Variants in ATP2C2 observed in about 807,000 individuals in gnomAD.
ATP2C2 encodes calcium-transporting ATPase type 2C member 2.
In ATP2C2, 171 loss-of-function variants were observed where a neutral mutation model predicts 110.8. That is an observed-to-expected ratio of 1.54 (90% CI 1.36 to 1.75). The LOEUF (loss-of-function observed/expected upper bound fraction) is 1.75, where lower values mean the gene tolerates loss of function less well. Ranked by LOEUF, ATP2C2 falls within the 40% of genes most tolerant of loss-of-function variation. The pLI is 0.00. For missense variants in ATP2C2, 1,963 were observed against 1,235.0 expected, an observed-to-expected ratio of 1.59 and a Z score of -8.84; for synonymous variants, 804 against 508.4, an observed-to-expected ratio of 1.58 and a Z score of -7.82.
chr16:84,409,498 T>C (rs964255462), intron 4 of ATP2C2, among the ~76,000 whole-genome samples: 2 of 152,066 alleles, frequency 1.3e-5, no homozygotes, highest in Admixed American at 6.6e-5. Flanking sequence ...GTATCTGGCT[T>C]CTCCTGAGCA....
chr16:84,405,841 A>G (rs1250563148), intron 3 of ATP2C2, among the ~76,000 whole-genome samples: 2 of 152,080 alleles, frequency 1.3e-5, no homozygotes, highest in Non-Finnish European at 2.9e-5. Flanking sequence ...GATTGTTGGA[A>G]CCCAGGAGGT....
intron 14 of ATP2C2, 71 bp downstream of exon 14, chr16:84,441,029 G>C (rs980605926): frequency 1.6e-6 from 2 of 1,286,568 alleles, no homozygotes; most frequent in Non-Finnish European, 2.2e-6. Context: ...CTCTGAAAAG[G>C]GAAACAGCCA....
At chr16:84,418,653 G>C (rs1018193829) in intron 7 of ATP2C2, among the ~76,000 whole-genome samples, 1 of 152,228 alleles carries the variant, frequency 6.6e-6, no homozygotes, top group Non-Finnish European at 1.5e-5. Flanking sequence ...TCACACGGCA[G>C]TGGGCGGTGG....
chr16:84,450,801 G>C (rs1910188741), intron 17 of ATP2C2, among the ~76,000 whole-genome samples: 1 of 152,040 alleles, frequency 6.6e-6, no homozygotes, highest in African/African-American at 2.4e-5. Flanking sequence ...CCCTCAGCTG[G>C]GTTGCTCCCC....
chr16:84,423,259 A>T lies in ATP2C2; in HGVS notation c.915A>T (p.Ile305=). The change falls in exon 10 of 27, where the codon ATA becomes ATT. Residue 305 remains isoleucine (I), a synonymous_variant. Coordinates refer to ENST00000262429, the MANE Select transcript of ATP2C2 (RefSeq NM_014861.4). The stretch of plus-strand genomic sequence containing the variant: ...AACTGACACTCTTCTCCTTTGGCAT[A>T]ATCGGTGAGTGAAGCAGTTTCCATA... ...GKQLTLFSFG[I]IGLIMLIGWS... The T allele has an allele frequency of 6.2e-7, 1 of 1,613,776 alleles. No individual in the cohort carries two copies. The highest frequency in any genetic ancestry group is 8.5e-7 in the Non-Finnish European group (1 of 1,179,636).
intron 11 of ATP2C2, among the ~76,000 whole-genome samples, chr16:84,428,459 T>C (rs553550053): frequency 6.6e-6 from 1 of 152,308 alleles, no homozygotes; most frequent in African/African-American, 2.4e-5. Context: ...TTAATGGGAA[T>C]TGGAAATACT....
chr16:84,369,805 T>C (rs1909846559), intron 1 of ATP2C2, among the ~76,000 whole-genome samples: 2 of 152,258 alleles, frequency 1.3e-5, no homozygotes, highest in Non-Finnish European at 2.9e-5. Context: ...GTTTTATACA[T>C]CCCTGTTGAT....
At chr16:84,394,399 C>T (rs932585433) in intron 1 of ATP2C2, among the ~76,000 whole-genome samples, 10 of 152,064 alleles carry the variant, frequency 6.6e-5, no homozygotes, top group Non-Finnish European at 1.5e-4. Flanking sequence ...TCTGCTCCTA[C>T]GAATTTGCCT....
intron 26 of ATP2C2, 53 bp downstream of exon 26, chr16:84,462,182 CGGCAGCTGCCAGGTG>C: frequency 1.3e-6 from 2 of 1,575,730 alleles, no homozygotes; most frequent in Non-Finnish European, 1.7e-6. Flanking sequence ...CCATGGGGGG[CGGCAGCTGCCAGGTG>C]GGGAGCTGCA....
intron 1 of ATP2C2, among the ~76,000 whole-genome samples, chr16:84,383,790 T>G (rs1366570982): frequency 1.1e-4 from 11 of 103,622 alleles, no homozygotes; most frequent in African/African-American, 3.1e-4. Flanking sequence ...TTTGTTGGTT[T>G]TTTTTTTTTT....
chr16:84,369,242 C>T (rs1909810686), intron 1 of ATP2C2, among the ~76,000 whole-genome samples: 1 of 152,330 alleles, frequency 6.6e-6, no homozygotes, highest in African/African-American at 2.4e-5. Context: ...TGTATGCCTG[C>T]TTTGCAACCT....
At chr16:84,436,040 A>T (rs905810016) in intron 11 of ATP2C2, among the ~76,000 whole-genome samples, 2 of 149,702 alleles carry the variant, frequency 1.3e-5, no homozygotes, top group Non-Finnish European at 3.0e-5. Flanking sequence ...GAGGCAGGAG[A>T]ATTGCATGAA....
chr16:84,385,309 G>A (rs554839744), intron 1 of ATP2C2, among the ~76,000 whole-genome samples: 12 of 152,120 alleles, frequency 7.9e-5, no homozygotes, highest in South Asian at 2.1e-4. Context: ...TCACATTCGC[G>A]AGGACAGTAC....
chr16:84,448,034 C>T (rs1909920429), intron 16 of ATP2C2, among the ~76,000 whole-genome samples: 1 of 151,980 alleles, frequency 6.6e-6, no homozygotes, highest in African/African-American at 2.4e-5. Context: ...AGTTCATAGT[C>T]TACATGTTTG....
chr16:84,424,576 C>CTTTTTTTTTTTTTTTTTTT (rs371614449), intron 10 of ATP2C2, among the ~76,000 whole-genome samples: 49 of 114,852 alleles, frequency 4.3e-4, no homozygotes, highest in African/African-American at 1.6e-3. Flanking sequence ...CCGCACTGGG[C>CTTTTTTTTTTTTTTTTTTT]TTTTTTTTTT....
chr16:84,446,443 A>G lies in ATP2C2; in HGVS notation c.1503+13A>G, dbSNP rs377243629. On this transcript the variant is annotated intron_variant, in intron 16 of 26. Transcript: ENST00000262429. ...TCTGAAGACTGAGGTGAGACCTTTC[A>G]ATCTTCAACCTCTTCTCTCTTTCTG... 12 of 1,557,634 alleles carry G rather than the reference A, an allele frequency of 7.7e-6. No individual in the cohort carries two copies. The highest frequency in any genetic ancestry group is 1.0e-5 in the Non-Finnish European group (12 of 1,148,188).
At chr16:84,440,098 A>G (rs1034263502) in intron 13 of ATP2C2, among the ~76,000 whole-genome samples, 9 of 152,226 alleles carry the variant, frequency 5.9e-5, no homozygotes, top group African/African-American at 1.7e-4. Flanking sequence ...TTGGCCTCCC[A>G]GAGTGCTGGG....
chr16:84,461,895 G>T, intron 25 of ATP2C2, 83 bp downstream of exon 25: 1 of 1,608,208 alleles, frequency 6.2e-7, no homozygotes, highest in Non-Finnish European at 8.5e-7. Flanking sequence ...GCAGCATTGA[G>T]CGGCTCTGGC....
intron 1 of ATP2C2, among the ~76,000 whole-genome samples, chr16:84,378,843 G>A (rs1026874845): frequency 1.4e-4 from 22 of 152,182 alleles, no homozygotes; most frequent in African/African-American, 4.3e-4. Context: ...ACGTGGAGCC[G>A]GGCCTGGTGG....
Sources: gnomAD v4.1 joint callset for allele counts (sites outside exome capture counted in the v4.1 genomes callset) on GRCh38, gnomAD v4.1.1 for gene constraint, MANE v1.5 for transcripts, NCBI Gene and HGNC (gene_info 2026-07-23, HGNC 2026-07-21) for gene names.